Variants in PRKRA observed in about 807,000 individuals in gnomAD.
PRKRA encodes interferon-inducible double-stranded RNA-dependent protein kinase activator A.
Under a neutral mutation model 32.4 loss-of-function variants are expected in PRKRA, and 22 were observed. The observed-to-expected ratio is 0.68, with a 90% CI of 0.49 to 0.97. The LOEUF (loss-of-function observed/expected upper bound fraction) is 0.97. Among genes scored for constraint, PRKRA ranks in the 50% least tolerant of loss-of-function variants. PRKRA has a pLI of 0.00. For synonymous variants in PRKRA, 139 were observed against 129.8 expected, an observed-to-expected ratio of 1.07 and a Z score of -0.48; for missense variants, 319 against 375.6, an observed-to-expected ratio of 0.85 and a Z score of 1.25.
At chr2:178,440,886 G>A (rs1213015703) in intron 6 of PRKRA, among the ~76,000 whole-genome samples, 6 of 152,020 alleles carry the variant, frequency 3.9e-5, no homozygotes, top group African/African-American at 1.5e-4. Context: ...TCCTTATATA[G>A]GGGTCCCTTT....
At position 178,432,140 on chromosome 2, in the gene PRKRA, TG is replaced by T. The variant is rs1412639869; in HGVS notation, c.898del (p.His300ThrfsTer7). 6.2e-7 allele frequency: 1 copy of T among 1,614,256 alleles called. No individual in the cohort carries two copies. Among genetic ancestry groups the T allele is most frequent in the South Asian group, 1.1e-5 (1 of 91,092 alleles). ...SCGNAQSDAA[H>X]NALQYLKIIA... Reference sequence around the variant, plus strand: ...TATCTTTAAATACTGCAAAGCATTGTGAGCTGCATCACTTTGTGCATTGCCA... The same window carrying T: ...TATCTTTAAATACTGCAAAGCATTGTAGCTGCATCACTTTGTGCATTGCCA... On this transcript the variant is annotated frameshift_variant, in exon 8 of 8. Coordinates refer to ENST00000325748, the MANE Select transcript of PRKRA (RefSeq NM_003690.5). LOFTEE classifies it high-confidence loss of function.
chr2:178,446,128 C>A (rs544408788), intron 3 of PRKRA, among the ~76,000 whole-genome samples: 2 of 152,092 alleles, frequency 1.3e-5, no homozygotes, highest in South Asian at 4.2e-4. Context: ...GATTTTTGTG[C>A]CTCAGCCACC....
intron 5 of PRKRA, 110 bp from the exon 6 acceptor site, chr2:178,441,814 A>T: frequency 1.1e-6 from 1 of 875,908 alleles, no homozygotes; most frequent in Admixed American, 1.9e-5. Context: ...GGTTTTTATT[A>T]TATACTAGAC....
intron 2 of PRKRA, 93 bp downstream of exon 2, chr2:178,450,149 T>C: frequency 8.0e-7 from 1 of 1,256,554 alleles, no homozygotes; most frequent in Non-Finnish European, 1.1e-6. Context: ...CTCACAGCTG[T>C]CTGGCAAAAA....
intron 6 of PRKRA, chr2:178,439,176 AACT>A (rs1188537124): frequency 6.6e-6 from 1 of 152,204 alleles, no homozygotes. Context: ...TAAATAAGAA[AACT>A]ACTGACTTTT....
At chr2:178,444,113 A>G in intron 4 of PRKRA, 1 of 275,350 alleles carries the variant, frequency 3.6e-6, no homozygotes, top group South Asian at 5.1e-5. Context: ...ACAGAAGTAG[A>G]AAGAGATTTG....
chr2:178,435,601 TAC>T (rs1233298180), intron 7 of PRKRA, among the ~76,000 whole-genome samples: 1 of 152,174 alleles, frequency 6.6e-6, no homozygotes, highest in African/African-American at 2.4e-5. Context: ...AGAATCAGCA[TAC>T]AGTGACAAAG....
At chr2:178,433,995 T>C (rs1696776955) in intron 7 of PRKRA, 2 of 152,248 alleles carry the variant, frequency 1.3e-5, no homozygotes, top group African/African-American at 4.8e-5. Context: ...CCCCAGATTC[T>C]GTATCCTCCA....
Position 178,436,132 on chromosome 2 carries a change from A to G in PRKRA, c.784+13T>C. 5.0e-6 allele frequency: 4 copies of G among 792,366 alleles called. No homozygotes were observed. Among genetic ancestry groups the G allele is most frequent in the Non-Finnish European group, 5.5e-6 (3 of 547,162 alleles). 49.1% of individuals were successfully genotyped at this position (792,366 alleles called of 1,614,324 possible). ...AACATGTCTTGGGAAAGCCAAAGAA[A>G]AAAAAATCATACCTATATCCAAATA... On this transcript the variant is annotated intron_variant, in intron 7 of 7. Transcript: ENST00000325748.
intron 3 of PRKRA, among the ~76,000 whole-genome samples, chr2:178,446,988 G>T (rs982994474): frequency 4.4e-5 from 4 of 91,558 alleles, no homozygotes; most frequent in East Asian, 3.7e-4. Context: ...GCGAGACTCC[G>T]TCTCAAAAAA....
In PRKRA at chr2:178,444,429, G is replaced by A. The variant is rs1697239656; in HGVS notation, c.389C>T (p.Ser130Leu). 1 of 1,596,140 alleles carries A rather than the reference G, an allele frequency of 6.3e-7. No homozygotes were observed. Among genetic ancestry groups the A allele is most frequent in the Non-Finnish European group, 8.6e-7 (1 of 1,163,982 alleles). Residue 130 changes from serine (S) to leucine (L), a missense_variant, in exon 4 of 8, where the codon TCA becomes TTA. Ser to Leu is a moderately radical substitution (Grantham distance 145). Transcript: ENST00000325748. ...QPKNQLNPIG[S>L]LQELAIHHGW... ...AAGAACTGTACAACTTACCTGTAAT[G>A]AACCAATAGGATTAAGCTGGTTCTT...
intron 6 of PRKRA, among the ~76,000 whole-genome samples, chr2:178,437,285 C>G (rs916419850): frequency 6.6e-6 from 1 of 152,174 alleles, no homozygotes. Context: ...AGTACAGTCT[C>G]TTTTCCTTAC....
chr2:178,448,099 C>T (rs1396129288), intron 2 of PRKRA, among the ~76,000 whole-genome samples: 2 of 152,144 alleles, frequency 1.3e-5, no homozygotes, highest in Admixed American at 6.5e-5. Flanking sequence ...CTAGGCTGAG[C>T]AGTCATGATT....
At chr2:178,450,839 A>G (rs1697583360) in intron 1 of PRKRA, 127 bp downstream of exon 1, 2 of 1,372,686 alleles carry the variant, frequency 1.5e-6, no homozygotes, top group Non-Finnish European at 1.9e-6. Context: ...CCGAGCACCC[A>G]CAGCCGCGGA....
chr2:178,439,436 G>GA (rs1697032969), intron 6 of PRKRA: 1 of 152,052 alleles, frequency 6.6e-6, no homozygotes, highest in Admixed American at 6.6e-5. Context: ...GGGCAATATG[G>GA]AAAAGTTATT....
intron 7 of PRKRA, among the ~76,000 whole-genome samples, chr2:178,432,689 T>C (rs562062377): frequency 1.2e-4 from 19 of 152,322 alleles, no homozygotes; most frequent in Admixed American, 3.3e-4. Context: ...TATTTTCCAC[T>C]AGGAAGTCAT....
Position 178,450,233 on chromosome 2 carries a change from T to C in PRKRA, c.235+9A>G. ...CACTCGGTCATCCAGGTTAACTGTG[T>C]ATACAGACCTGTGCAGGTTATGTCA... On this transcript the variant is annotated intron_variant, in intron 2 of 7. Coordinates refer to ENST00000325748, the MANE Select transcript of PRKRA (RefSeq NM_003690.5). The C allele has an allele frequency of 6.2e-7, 1 of 1,614,252 alleles. No individual in the cohort carries two copies.
At chr2:178,450,624 A>G in intron 1 of PRKRA, 3 of 1,455,368 alleles carry the variant, frequency 2.1e-6, no homozygotes, top group Non-Finnish European at 2.7e-6. Flanking sequence ...CGAGGTCTTT[A>G]GAGAGAGCAC....
chr2:178,443,212 A>C, intron 5 of PRKRA, 55 bp downstream of exon 5: 1 of 962,974 alleles, frequency 1.0e-6, no homozygotes, highest in Non-Finnish European at 1.5e-6. Context: ...AAATTTCGAT[A>C]GTCATTCATC....
Sources: allele counts gnomAD v4.1 joint callset (sites outside exome capture counted in the v4.1 genomes callset), GRCh38; gene constraint gnomAD v4.1.1; transcripts MANE v1.5; gene names NCBI Gene and HGNC (gene_info 2026-07-23, HGNC 2026-07-21).